IPO9: variants seen among roughly 807,000 people sequenced by gnomAD.
The protein encoded by IPO9 is importin-9.
IPO9 carries 28 observed loss-of-function variants against 128.6 expected under a neutral mutation model. That is an observed-to-expected ratio of 0.22 (90% CI 0.16 to 0.30). The LOEUF (loss-of-function observed/expected upper bound fraction) is 0.30. Among genes scored for constraint, IPO9 ranks in the 10% least tolerant of loss-of-function variants. The pLI is 1.00. For synonymous variants in IPO9, 455 were observed against 475.8 expected, an observed-to-expected ratio of 0.96 and a Z score of 0.57; for missense variants, 935 against 1,293.9, an observed-to-expected ratio of 0.72 and a Z score of 4.26.
intron 6 of IPO9, among the ~76,000 whole-genome samples, chr1:201,853,776 G>C (rs1000265725): frequency 2.6e-5 from 4 of 152,108 alleles, no homozygotes; most frequent in Admixed American, 1.3e-4. Context: ...GTCTCGCTCT[G>C]TCACCAGGCT....
chr1:201,876,315 C>G lies in IPO9; in HGVS notation c.*261C>G. ...ACCTTTTTTCTCCCCGACTCTACCC[C>G]CACCTCTGTTCCTAGAGCCCTCTGC... On this transcript the variant is annotated 3_prime_UTR_variant, in exon 24 of 24. Coordinates refer to ENST00000361565, the MANE Select transcript of IPO9 (RefSeq NM_018085.5). The G allele has an allele frequency of 1.7e-6, 1 of 586,166 alleles. No individual in the cohort carries two copies. Among genetic ancestry groups the G allele is most frequent in the East Asian group, 3.2e-5 (1 of 31,706 alleles). The allele number at this position is 586,166 out of a possible 1,614,324, so 36.3% of individuals were successfully genotyped here.
rs1277511969 is a variant in IPO9 at position 201,878,454 on chromosome 1, AT to A, written c.*2402del. On this transcript the variant is annotated 3_prime_UTR_variant, in exon 24 of 24. Transcript: ENST00000361565. Reference sequence around the variant, plus strand: ...CTCTGCGTCTGCTAATTAGACAAACATTCTATATCTAGTGCCAAAAGTGGTC... The same window carrying A: ...CTCTGCGTCTGCTAATTAGACAAACATCTATATCTAGTGCCAAAAGTGGTC... 6.6e-6 allele frequency: 1 copy of A among 152,566 alleles called. No homozygotes were observed. The highest frequency in any genetic ancestry group is 6.5e-5 in the Admixed American group (1 of 15,268). The allele number at this position is 152,566 out of a possible 1,614,324, so 9.5% of individuals were successfully genotyped here. A position where few individuals can be genotyped will look rare whatever the true frequency, so the allele number is the denominator to read the frequency against.
At chr1:201,847,447 G>C in intron 2 of IPO9, 105 bp from the exon 3 acceptor site, 1 of 1,356,768 alleles carries the variant, frequency 7.4e-7, no homozygotes, top group South Asian at 1.2e-5. Flanking sequence ...CTAGGATGTT[G>C]TGCCAGATTT....
intron 16 of IPO9, 27 bp from the exon 17 acceptor site, chr1:201,869,563 G>T (rs1330842113): frequency 1.9e-6 from 3 of 1,613,030 alleles, no homozygotes; most frequent in Admixed American, 3.3e-5. Flanking sequence ...AGGCAATTCT[G>T]ACTTTTCTTT....
rs1375731598 is a variant in IPO9 at position 201,881,891 on chromosome 1, A to C, written c.*5837A>C. On this transcript the variant is annotated 3_prime_UTR_variant, in exon 24 of 24. Transcript: ENST00000361565. ...AAGAGCTGGATTAGAGATGTTGACA[A>C]GATAAAGTCAGTAGGACTTAAAGAC... is the stretch of plus-strand genomic sequence containing the variant. 6.6e-6 allele frequency: 1 copy of C among 152,260 alleles called. No individual in the cohort carries two copies. Among genetic ancestry groups the C allele is most frequent in the Non-Finnish European group, 1.5e-5 (1 of 68,060 alleles). The allele number at this position is 152,260 out of a possible 1,614,324, so 9.4% of individuals were successfully genotyped here. A position where few individuals can be genotyped will look rare whatever the true frequency, so the allele number is the denominator to read the frequency against.
chr1:201,857,545 C>T (rs1236544423), intron 11 of IPO9, among the ~76,000 whole-genome samples: 3 of 152,106 alleles, frequency 2.0e-5, no homozygotes, highest in African/African-American at 7.2e-5. Context: ...CCTGTAATCC[C>T]AGCACTTGGG....
chr1:201,834,739 TA>T (rs1202965993), intron 1 of IPO9, among the ~76,000 whole-genome samples: 1 of 152,214 alleles, frequency 6.6e-6, no homozygotes, highest in Non-Finnish European at 1.5e-5. Flanking sequence ...TAGTTCCCAG[TA>T]GATAAGTCAC....
chr1:201,832,357 C>G (rs573609395), intron 1 of IPO9, among the ~76,000 whole-genome samples: 1 of 151,668 alleles, frequency 6.6e-6, no homozygotes, highest in East Asian at 1.9e-4. Flanking sequence ...CTCCCAGGTT[C>G]AAGCAATTCT....
intron 14 of IPO9, 61 bp from the exon 15 acceptor site, chr1:201,866,672 G>C: frequency 7.8e-7 from 1 of 1,285,032 alleles, no homozygotes. Context: ...ATGTGAGATT[G>C]ATTGGGAAAA....
chr1:201,870,550 T>C lies in IPO9; in HGVS notation c.2134-33T>C. 1.2e-6 allele frequency: 2 copies of C among 1,600,272 alleles called. No individual in the cohort carries two copies. Among genetic ancestry groups the C allele is most frequent in the Non-Finnish European group, 8.5e-7 (1 of 1,170,950 alleles). ...GGCCTTCTGGCATCTGTCCCTCGAT[T>C]ACTAATCTTGCTTGCCACCCCTGTC... On this transcript the variant is annotated intron_variant, in intron 17 of 23. Coordinates refer to ENST00000361565, the MANE Select transcript of IPO9 (RefSeq NM_018085.5). This position sits in a 1 kb window ranked among gnomAD's most constrained non-coding sequence, Gnocchi z 4.9.
rs1021544559 is a variant in IPO9 at position 201,876,760 on chromosome 1, A to AG, written c.*706_*707insG. ...ATTTGATCTTCCTTTTTTAGAAAAA[A>AG]AAAAAAAAATGGGGAAAAGGGATTT... On this transcript the variant is annotated 3_prime_UTR_variant, in exon 24 of 24. Transcript: ENST00000361565. 9 of 152,112 alleles carry AG rather than the reference A, an allele frequency of 5.9e-5. No individual in the cohort carries two copies. Among genetic ancestry groups the AG allele is most frequent in the Admixed American group, 2.6e-4 (4 of 15,234 alleles). The allele number at this position is 152,112 out of a possible 1,614,324, so 9.4% of individuals were successfully genotyped here.
intron 6 of IPO9, among the ~76,000 whole-genome samples, 164 bp from the exon 7 acceptor site, chr1:201,854,431 A>T (rs559841756): frequency 6.6e-6 from 1 of 152,218 alleles, no homozygotes; most frequent in South Asian, 2.1e-4. Flanking sequence ...GGAAAAATGA[A>T]ATCTTAGGTA....
chr1:201,855,719 T>C, intron 9 of IPO9, 64 bp from the exon 10 acceptor site: 1 of 1,400,650 alleles, frequency 7.1e-7, no homozygotes, highest in East Asian at 2.3e-5. Context: ...TAGTTCATTT[T>C]CTGCATATAT....
At chr1:201,872,418 C>T (rs1680670174) in intron 19 of IPO9, among the ~76,000 whole-genome samples, 1 of 151,930 alleles carries the variant, frequency 6.6e-6, no homozygotes, top group African/African-American at 2.4e-5. Context: ...ACCCGGGCAA[C>T]ATGGTGAAAC....
intron 1 of IPO9, among the ~76,000 whole-genome samples, chr1:201,839,076 C>T (rs1305193175): frequency 2.0e-5 from 3 of 151,740 alleles, no homozygotes; most frequent in East Asian, 1.9e-4. Context: ...CCCGCCACCA[C>T]GCCCGGCTAA....
At chr1:201,855,997 A>T in intron 10 of IPO9, 63 bp downstream of exon 10, 5 of 1,286,054 alleles carry the variant, frequency 3.9e-6, no homozygotes, top group Non-Finnish European at 5.4e-6. Context: ...GAAGAATATG[A>T]GGTCTTGGTC....
intron 1 of IPO9, among the ~76,000 whole-genome samples, chr1:201,832,312 G>A (rs560474604): frequency 6.6e-6 from 1 of 151,056 alleles, no homozygotes; most frequent in East Asian, 2.0e-4. Context: ...AGGCTGGAGT[G>A]CAGTGGCATG....
At chr1:201,841,544 G>C (rs1321134522) in intron 1 of IPO9, among the ~76,000 whole-genome samples, 1 of 152,186 alleles carries the variant, frequency 6.6e-6, no homozygotes, top group Non-Finnish European at 1.5e-5. Context: ...TAGGAATAGT[G>C]ATACTCCTGT....
At chr1:201,855,297 T>C in intron 9 of IPO9, 115 bp downstream of exon 9, 1 of 642,708 alleles carries the variant, frequency 1.6e-6, no homozygotes. Context: ...AAGTGTTTTC[T>C]AATTCAGTTT....
Sources: allele counts gnomAD v4.1 joint callset (sites outside exome capture counted in the v4.1 genomes callset), GRCh38; gene constraint gnomAD v4.1.1; non-coding constraint Gnocchi (gnomAD v3.1); transcripts MANE v1.5; gene names NCBI Gene and HGNC (gene_info 2026-07-23, HGNC 2026-07-21).